GATA3: variants seen among roughly 807,000 people sequenced by gnomAD.
The protein encoded by GATA3 is GATA binding protein 3.
GATA3 carries 6 observed loss-of-function variants against 36.0 expected under a neutral mutation model. The observed-to-expected ratio is 0.17, with a 90% CI of 0.09 to 0.33. The LOEUF (loss-of-function observed/expected upper bound fraction) is 0.33, where lower values mean the gene tolerates loss of function less well. Ranked by LOEUF, GATA3 falls within the 10% of genes least tolerant of loss-of-function variation. The pLI, the probability that GATA3 is intolerant of heterozygous loss-of-function variation, is 1.00. For synonymous variants in GATA3, 326 were observed against 273.0 expected, an observed-to-expected ratio of 1.19 and a Z score of -1.92; for missense variants, 514 against 610.1, an observed-to-expected ratio of 0.84 and a Z score of 1.66.
chr10:8,055,552 C>A lies in GATA3; in HGVS notation c.-104C>A. The stretch of plus-strand genomic sequence containing the variant: ...CGAAAGCAAATCATTCAACGACCCC[C>A]GACCCTCCGACGGCAGGAGCCCCCC... On this transcript the variant is annotated 5_prime_UTR_variant, in exon 2 of 6. Coordinates refer to ENST00000379328, the MANE Select transcript of GATA3 (RefSeq NM_001002295.2). This position sits in a 1 kb window ranked among gnomAD's most constrained non-coding sequence, Gnocchi z 5.4. The A allele has an allele frequency of 7.5e-7, 1 of 1,336,098 alleles. No individual in the cohort carries two copies. 82.8% of individuals were successfully genotyped at this position (1,336,098 alleles called of 1,614,324 possible). A position where few individuals can be genotyped will look rare whatever the true frequency, so the allele number is the denominator to read the frequency against.
At chr10:8,059,188 G>C (rs568696011) in intron 3 of GATA3, among the ~76,000 whole-genome samples, 1 of 152,206 alleles carries the variant, frequency 6.6e-6, no homozygotes, top group Non-Finnish European at 1.5e-5. Context: ...ATGGAAGGCC[G>C]AGGGAATAAT....
In GATA3 at chr10:8,055,797, G is replaced by T; in HGVS notation, c.142G>T (p.Asp48Tyr). ...AAQYPLPEEV[D>Y]VLFNIDGQGN... ...GCAGTACCCGCTGCCGGAGGAGGTGGATGTGCTTTTTAACATCGACGGTCA... is the reference window on the plus strand; with the variant it reads ...GCAGTACCCGCTGCCGGAGGAGGTGTATGTGCTTTTTAACATCGACGGTCA... The change falls in exon 2 of 6, where the codon GAT (aspartate) becomes TAT (tyrosine). Residue 48 changes from aspartate (D) to tyrosine (Y), a missense_variant. Asp to Tyr is a radical substitution (Grantham distance 160, BLOSUM62 -3). Transcript: ENST00000379328. This position sits in a 1 kb window ranked among gnomAD's most constrained non-coding sequence, Gnocchi z 5.4. 6.3e-7 allele frequency: 1 copy of T among 1,593,760 alleles called. No individual in the cohort carries two copies. The highest frequency in any genetic ancestry group is 8.5e-7 in the Non-Finnish European group (1 of 1,170,324).
chr10:8,046,647 C>CTGTGTGTG (rs1564392141), intron 1 of GATA3, among the ~76,000 whole-genome samples: 9 of 93,948 alleles, frequency 9.6e-5, no homozygotes, highest in East Asian at 3.0e-4. Flanking sequence ...AAATGGCTGG[C>CTGTGTGTG]AGTGTGTGTG....
chr10:8,058,981 G>A (rs1832702857), intron 3 of GATA3, 140 bp downstream of exon 3: 1 of 777,526 alleles, frequency 1.3e-6, no homozygotes, highest in Non-Finnish European at 2.0e-6. Flanking sequence ...CATTCTTCCT[G>A]CCGGGAAGGC....
At chr10:8,070,354 T>C (rs952510130) in intron 5 of GATA3, among the ~76,000 whole-genome samples, 2 of 152,002 alleles carry the variant, frequency 1.3e-5, no homozygotes, top group African/African-American at 4.8e-5. Flanking sequence ...TTTTGTAACA[T>C]ATCTTAATCT....
At chr10:8,071,189 T>C (rs1302038269) in intron 5 of GATA3, among the ~76,000 whole-genome samples, 1 of 152,144 alleles carries the variant, frequency 6.6e-6, no homozygotes, top group African/African-American at 2.4e-5. Context: ...CTTGAGGGAG[T>C]TATGACTCAG....
At chr10:8,047,682 G>T (rs753211977) in intron 1 of GATA3, among the ~76,000 whole-genome samples, 2 of 152,226 alleles carry the variant, frequency 1.3e-5, no homozygotes, top group Admixed American at 1.3e-4. Context: ...CCGGGTATCC[G>T]TCGCTGCCGG....
At chr10:8,058,908 C>T in intron 3 of GATA3, 67 bp downstream of exon 3, 2 of 1,480,976 alleles carry the variant, frequency 1.4e-6, no homozygotes, top group Non-Finnish European at 1.9e-6. Context: ...TCCAGGGCCG[C>T]ACCCAGAGGG....
chr10:8,055,815 G>C lies in GATA3; in HGVS notation c.160G>C (p.Asp54His). ...PEEVDVLFNIDGQGNHVPPYY... is the reference protein window; with the variant it reads ...PEEVDVLFNIHGQGNHVPPYY... ...GGAGGTGGATGTGCTTTTTAACATC[G>C]ACGGTCAAGGCAACCACGTCCCGCC... Residue 54 changes from aspartate to histidine, a missense_variant, in exon 2 of 6, where the codon GAC becomes CAC. Coordinates refer to ENST00000379328, the MANE Select transcript of GATA3 (RefSeq NM_001002295.2). The surrounding 1 kb of genome is among the most constrained non-coding windows in gnomAD (Gnocchi z 5.4). The C allele has an allele frequency of 6.3e-7, 1 of 1,592,180 alleles. No individual in the cohort carries two copies. The highest frequency in any genetic ancestry group is 8.6e-7 in the Non-Finnish European group (1 of 1,169,342).
intron 3 of GATA3, among the ~76,000 whole-genome samples, chr10:8,062,378 A>T (rs11255504): frequency 0.19 from 27,475 of 147,478 alleles, 2,905 homozygotes; most frequent in East Asian, 0.31. Context: ...TTTTTTTTTT[A>T]AAAAACAAAG....
rs550244755 is a variant in GATA3 at position 8,056,000 on chromosome 10, C to A, written c.241+104C>A. 6.9e-7 allele frequency: 1 copy of A among 1,441,246 alleles called. No individual in the cohort carries two copies. The highest frequency in any genetic ancestry group is 9.5e-7 in the Non-Finnish European group (1 of 1,052,390). 89.3% of individuals were successfully genotyped at this position (1,441,246 alleles called of 1,614,324 possible). A position where few individuals can be genotyped will look rare whatever the true frequency, so the allele number is the denominator to read the frequency against. On this transcript the variant is annotated intron_variant, in intron 2 of 5. Transcript: ENST00000379328. The surrounding 1 kb of genome is among the most constrained non-coding windows in gnomAD (Gnocchi z 5.4). ...GGCGGGGAGAGGTCAAGCGAAAGCC[C>A]CCATCTGCCGTTCCTGGTTCATTTA...
chr10:8,048,884 G>T (rs982317358), upstream of GATA3, among the ~76,000 whole-genome samples: 8 of 152,042 alleles, frequency 5.3e-5, no homozygotes, highest in Admixed American at 1.3e-4. Context: ...TTTCTCAACC[G>T]GGGAAAAGGT....
upstream of GATA3, chr10:8,051,441 G>A (rs1259939117): frequency 1.0e-5 from 2 of 193,240 alleles, no homozygotes; most frequent in Non-Finnish European, 2.2e-5. Flanking sequence ...GGTCCCAGGC[G>A]TCCAGGTTGA....
chr10:8,074,128 A>G lies in GATA3; in HGVS notation c.*105A>G, dbSNP rs886047300. ...CATGAAGCCTAAACGCGATGGATAT[A>G]TGTTTTTGAAGGCAGAAAGCAAAAT... On this transcript the variant is annotated 3_prime_UTR_variant, in exon 6 of 6. Coordinates refer to ENST00000379328, the MANE Select transcript of GATA3 (RefSeq NM_001002295.2). 3.0e-5 allele frequency: 40 copies of G among 1,339,604 alleles called. No individual in the cohort carries two copies. In the Admixed American group the frequency reaches 9.5e-4, roughly 32 times the overall value. 83.0% of individuals were successfully genotyped at this position (1,339,604 alleles called of 1,614,324 possible). A position where few individuals can be genotyped will look rare whatever the true frequency, so the allele number is the denominator to read the frequency against.
intron 5 of GATA3, among the ~76,000 whole-genome samples, chr10:8,071,415 A>G (rs1243401515): frequency 6.6e-6 from 1 of 152,248 alleles, no homozygotes; most frequent in African/African-American, 2.4e-5. Context: ...TATAGGAATT[A>G]TAGGAGATTA....
At chr10:8,066,085 T>TC (rs1381054811) in intron 4 of GATA3, among the ~76,000 whole-genome samples, 57 of 151,610 alleles carry the variant, frequency 3.8e-4, no homozygotes, top group African/African-American at 1.3e-3. Flanking sequence ...CTGTTTTTTT[T>TC]CTAATAAAAG....
chr10:8,048,237 G>A (rs924832462), intron 1 of GATA3, among the ~76,000 whole-genome samples: 8 of 152,230 alleles, frequency 5.3e-5, no homozygotes, highest in African/African-American at 1.9e-4. Flanking sequence ...GGGGGCTCAG[G>A]AGCTGGGTGG....
chr10:8,064,179 T>C, intron 4 of GATA3, 41 bp downstream of exon 4: 1 of 1,613,416 alleles, frequency 6.2e-7, no homozygotes, highest in Non-Finnish European at 8.5e-7. Flanking sequence ...CTGACCATTC[T>C]GGGTTTCTCA....
At chr10:8,050,844 C>A (rs766244138), upstream of GATA3, 5 of 411,096 alleles carry the variant, frequency 1.2e-5, no homozygotes, top group East Asian at 1.4e-4. Flanking sequence ...GCTCTCTCCC[C>A]CTCCGCGGGA....
Sources: gnomAD v4.1 joint callset for allele counts (sites outside exome capture counted in the v4.1 genomes callset) on GRCh38, gnomAD v4.1.1 for gene constraint, Gnocchi (gnomAD v3.1) non-coding constraint, MANE v1.5 for transcripts, NCBI Gene and HGNC (gene_info 2026-07-23, HGNC 2026-07-21) for gene names.